WWOX: variants seen among roughly 807,000 people sequenced by gnomAD.
WWOX encodes WW domain containing oxidoreductase, also known as WW domain-containing oxidoreductase.
In WWOX, 69 loss-of-function variants were observed where a neutral mutation model predicts 46.2. That is an observed-to-expected ratio of 1.49 (90% CI 1.23 to 1.82). The LOEUF is 1.82. WWOX is among the 40% of genes most tolerant of loss of function. The probability of loss-of-function intolerance (pLI) is 0.00; values close to 1 mark genes in which losing one functional copy is unlikely to be tolerated. For synonymous variants in WWOX, 359 were observed against 202.6 expected, an observed-to-expected ratio of 1.77 and a Z score of -6.56; for missense variants, 919 against 542.6, an observed-to-expected ratio of 1.69 and a Z score of -6.89.
chr16:78,680,254 C>T (rs1009487739), intron 8 of WWOX, among the ~76,000 whole-genome samples: 5 of 148,492 alleles, frequency 3.4e-5, no homozygotes, highest in East Asian at 3.9e-4. Context: ...GCAGAAAATA[C>T]AAAAATTAGC....
At chr16:78,738,653 C>T (rs1042973692) in intron 8 of WWOX, among the ~76,000 whole-genome samples, 2 of 152,158 alleles carry the variant, frequency 1.3e-5, no homozygotes, top group African/African-American at 4.8e-5. Flanking sequence ...AAATCATCCT[C>T]ATTTCCTTGA....
intron 8 of WWOX, among the ~76,000 whole-genome samples, chr16:78,738,929 G>A: frequency 6.6e-6 from 1 of 152,104 alleles, no homozygotes; most frequent in South Asian, 2.1e-4. Context: ...CTTCATTGCT[G>A]GGGTCCCCTA....
intron 8 of WWOX, chr16:79,106,560 A>G (rs1347679216): frequency 1.4e-5 from 2 of 148,120 alleles, no homozygotes; most frequent in East Asian, 3.9e-4. Flanking sequence ...TCATGACCCT[A>G]AAATGACTCT....
chr16:79,104,429 T>C (rs536253974), intron 8 of WWOX, among the ~76,000 whole-genome samples: 8 of 152,320 alleles, frequency 5.3e-5, no homozygotes, highest in Admixed American at 3.3e-4. Flanking sequence ...CTATAATGGC[T>C]TTATCATATA....
intron 8 of WWOX, among the ~76,000 whole-genome samples, chr16:78,960,426 A>G (rs751805115): frequency 3.3e-4 from 50 of 152,184 alleles, no homozygotes; most frequent in Non-Finnish European, 3.2e-4. Flanking sequence ...ACCATCCTCA[A>G]TACTTCATAT....
At chr16:78,910,567 A>G (rs7192251) in intron 8 of WWOX, among the ~76,000 whole-genome samples, 1 of 151,538 alleles carries the variant, frequency 6.6e-6, no homozygotes, top group African/African-American at 2.4e-5. Flanking sequence ...ACTGAGAAAG[A>G]CATACCCAAG....
chr16:79,076,156 T>C (rs2048652350), intron 8 of WWOX, among the ~76,000 whole-genome samples: 1 of 152,210 alleles, frequency 6.6e-6, no homozygotes, highest in Non-Finnish European at 1.5e-5. Context: ...CTCAAAGGAA[T>C]ATTATGAGGC....
At chr16:78,256,594 C>G (rs1422194793) in intron 5 of WWOX, among the ~76,000 whole-genome samples, 1 of 151,908 alleles carries the variant, frequency 6.6e-6, no homozygotes, top group African/African-American at 2.4e-5. Flanking sequence ...CATTAGCAAA[C>G]TGTCCTTTGC....
chr16:78,626,055 C>T (rs1160111871), intron 8 of WWOX, among the ~76,000 whole-genome samples: 2 of 151,786 alleles, frequency 1.3e-5, no homozygotes, highest in African/African-American at 4.8e-5. Flanking sequence ...TATCATATTG[C>T]CTTAGGTTTT....
chr16:78,919,945 T>C (rs2045340150), intron 8 of WWOX, among the ~76,000 whole-genome samples: 1 of 152,198 alleles, frequency 6.6e-6, no homozygotes, highest in Admixed American at 6.5e-5. Context: ...TCTAGAATAA[T>C]AGACTACCAA....
rs2049259118 is a variant in WWOX, at chr16:79,104,055, T to TG, written c.1057-107551dup. ...CCTTTTTTGGGGGGGGGGGGGCGGG[T>TG]GGTGGGGGTACTTACTAAGGACCTT... On this transcript the variant is annotated intron_variant, in intron 8 of 8. Transcript: ENST00000566780. 1.3e-3 allele frequency among the ~76,000 whole-genome samples: 21 copies of TG among 16,586 alleles called. 1 individual carries two copies. The highest frequency in any genetic ancestry group is 0.033 in the Middle Eastern group (1 of 30). The allele number at this position is 16,586 out of a possible 152,430, so 10.9% of individuals were successfully genotyped here.
intron 8 of WWOX, among the ~76,000 whole-genome samples, chr16:78,894,937 G>A (rs938116828): frequency 1.1e-4 from 17 of 152,090 alleles, no homozygotes; most frequent in African/African-American, 3.6e-4. Flanking sequence ...TTCTTATTAC[G>A]ATAGTTCCAA....
intron 8 of WWOX, among the ~76,000 whole-genome samples, chr16:78,862,129 T>C (rs1224441436): frequency 7.3e-6 from 1 of 137,060 alleles, no homozygotes; most frequent in Non-Finnish European, 1.7e-5. Flanking sequence ...GGTGTGTCTA[T>C]CTATATCTAT....
intron 8 of WWOX, among the ~76,000 whole-genome samples, chr16:78,932,538 A>G (rs2045646216): frequency 1.3e-5 from 2 of 152,298 alleles, no homozygotes; most frequent in South Asian, 2.1e-4. Flanking sequence ...GCCGGCAGGC[A>G]CACCTGCCAA....
intron 6 of WWOX, among the ~76,000 whole-genome samples, chr16:78,407,772 A>G (rs768146252): frequency 1.3e-5 from 2 of 152,224 alleles, no homozygotes; most frequent in African/African-American, 2.4e-5. Context: ...CATAAGAAAA[A>G]TAGCATTGAT....
chr16:78,671,693 C>G (rs537497314), intron 8 of WWOX, among the ~76,000 whole-genome samples: 32 of 152,228 alleles, frequency 2.1e-4, no homozygotes, highest in African/African-American at 7.5e-4. Flanking sequence ...GGCATAGTGC[C>G]TGATTCAGAG....
At chr16:78,887,389 G>C (rs111958135) in intron 8 of WWOX, among the ~76,000 whole-genome samples, 1 of 150,824 alleles carries the variant, frequency 6.6e-6, no homozygotes, top group Admixed American at 6.6e-5. Context: ...CAGTGCATTC[G>C]CTTCCAAGGC....
chr16:79,209,381 C>G (rs2051635556), intron 8 of WWOX, among the ~76,000 whole-genome samples: 1 of 152,180 alleles, frequency 6.6e-6, no homozygotes, highest in African/African-American at 2.4e-5. Flanking sequence ...AATATTTTAT[C>G]AGGTTAGGAA....
At chr16:78,569,152 G>A (rs1474493965) in intron 8 of WWOX, among the ~76,000 whole-genome samples, 1 of 152,160 alleles carries the variant, frequency 6.6e-6, no homozygotes, top group Non-Finnish European at 1.5e-5. Flanking sequence ...TGGGGTGGGA[G>A]GGAAGAACCC....
Sources: allele counts gnomAD v4.1 joint callset (sites outside exome capture counted in the v4.1 genomes callset), GRCh38; gene constraint gnomAD v4.1.1; transcripts MANE v1.5; gene names NCBI Gene and HGNC (gene_info 2026-07-23, HGNC 2026-07-21).